The following ADGRD1 variants were observed in gnomAD, a reference collection of about 807,000 sequenced individuals.
The protein encoded by ADGRD1 is adhesion G protein-coupled receptor D1.
In ADGRD1, 77 loss-of-function variants were observed where a neutral mutation model predicts 113.4. The observed-to-expected ratio is 0.68, with a 90% CI of 0.57 to 0.82. ADGRD1 has a LOEUF of 0.82. Ranked by LOEUF, ADGRD1 falls within the 40% of genes least tolerant of loss-of-function variation. The probability of loss-of-function intolerance (pLI) is 0.00; values close to 1 mark genes in which losing one functional copy is unlikely to be tolerated. For synonymous variants in ADGRD1, 474 were observed against 475.0 expected, an observed-to-expected ratio of 1.00 and a Z score of 0.03; for missense variants, 1,036 against 1,139.1, an observed-to-expected ratio of 0.91 and a Z score of 1.30.
rs200576124 is a variant in ADGRD1, at chr12:131,076,820, A to G, written c.1493A>G (p.Glu498Gly). 6.8e-6 allele frequency: 11 copies of G among 1,614,120 alleles called. No individual in the cohort carries two copies. In the East Asian group the frequency reaches 1.8e-4, roughly 26 times the overall value. ...TTTCAGACACGTAAGCAGCACAGTG[A>G]GGCCACCAACAGCAGCAACCGAGTC... The part of the protein sequence containing the change: ...KHRLTRKQHS[E>G]ATNSSNRVFV... The change falls in exon 14 of 25, where the codon GAG (glutamate) becomes GGG (glycine). Residue 498 changes from glutamate to glycine, a missense_variant. Glu to Gly is a moderately conservative substitution (Grantham distance 98). Transcript: ENST00000261654.
At chr12:130,993,615 G>T (rs1566009877) in intron 8 of ADGRD1, among the ~76,000 whole-genome samples, 1 of 152,082 alleles carries the variant, frequency 6.6e-6, no homozygotes, top group Non-Finnish European at 1.5e-5. Flanking sequence ...CTCTGTGTCC[G>T]TGGGAAGGTT....
At chr12:131,103,392 A>G (rs1950140710) in intron 15 of ADGRD1, among the ~76,000 whole-genome samples, 1 of 152,260 alleles carries the variant, frequency 6.6e-6, no homozygotes, top group Non-Finnish European at 1.5e-5. Context: ...AATGGGAGGC[A>G]CAGGCTGTGG....
At chr12:131,132,133 A>C (rs1474199026) in intron 21 of ADGRD1, among the ~76,000 whole-genome samples, 2 of 152,210 alleles carry the variant, frequency 1.3e-5, no homozygotes, top group African/African-American at 4.8e-5. Context: ...CTAGAGCCAG[A>C]AAGCCCCTGC....
intron 13 of ADGRD1, chr12:131,070,970 A>G: frequency 3.9e-6 from 2 of 517,820 alleles, no homozygotes; most frequent in South Asian, 2.8e-5. Context: ...CTGCACCATC[A>G]GGGGAATGTA....
chr12:131,125,566 AGATACAGATATAGGCAGATACATG>A (rs1399590925), intron 20 of ADGRD1, among the ~76,000 whole-genome samples: 1 of 152,238 alleles, frequency 6.6e-6, no homozygotes, highest in Non-Finnish European at 1.5e-5. Flanking sequence ...ATGGAAATGT[AGATACAGATATAGGCAGATACATG>A]GATACAGATA....
intron 13 of ADGRD1, among the ~76,000 whole-genome samples, chr12:131,047,128 C>T (rs940113302): frequency 2.0e-5 from 3 of 152,206 alleles, no homozygotes; most frequent in Non-Finnish European, 4.4e-5. Flanking sequence ...CAGTGGCCTC[C>T]CTGGTCAGTG....
chr12:131,139,056 C>T (rs752252797), intron 24 of ADGRD1, 112 bp from the exon 25 acceptor site: 73 of 761,586 alleles, frequency 9.6e-5, no homozygotes, highest in Middle Eastern at 2.3e-4. Context: ...CCTTTCCTCC[C>T]GCAGGGAGAA....
chr12:131,098,361 T>C (rs1179238483), intron 15 of ADGRD1, among the ~76,000 whole-genome samples: 2 of 151,396 alleles, frequency 1.3e-5, no homozygotes, highest in African/African-American at 4.9e-5. Context: ...TCAGAAGCCA[T>C]GGTGGGGGAA....
At chr12:131,004,917 C>G (rs758324458) in intron 11 of ADGRD1, among the ~76,000 whole-genome samples, 1 of 152,212 alleles carries the variant, frequency 6.6e-6, no homozygotes, top group African/African-American at 2.4e-5. Context: ...CCTGGAAAAG[C>G]GAATATGACT....
In ADGRD1 at chr12:131,084,721, T is replaced by C; in HGVS notation, c.1671+58T>C. ...GGGGGACGTACCATGAGGCTGCAGG[T>C]GGGGGCGGGAGGATGCTTTGCCCGC... On this transcript the variant is annotated intron_variant, in intron 15 of 24. Coordinates refer to ENST00000261654, the MANE Select transcript of ADGRD1 (RefSeq NM_198827.5). The surrounding 1 kb of genome is among the most constrained non-coding windows in gnomAD (Gnocchi z 4.5). The C allele has an allele frequency of 1.9e-6, 3 of 1,572,562 alleles. No homozygotes were observed. Among genetic ancestry groups the C allele is most frequent in the Non-Finnish European group, 2.6e-6 (3 of 1,156,654 alleles).
chr12:131,020,905 G>A (rs1187027740), intron 13 of ADGRD1, among the ~76,000 whole-genome samples: 1 of 152,332 alleles, frequency 6.6e-6, no homozygotes, highest in South Asian at 2.1e-4. Flanking sequence ...TGTGACTTTC[G>A]AAGAGCAGCC....
intron 4 of ADGRD1, among the ~76,000 whole-genome samples, chr12:130,979,612 A>G (rs1467129151): frequency 6.6e-6 from 1 of 152,200 alleles, no homozygotes; most frequent in Non-Finnish European, 1.5e-5. Flanking sequence ...ATTTATAGAA[A>G]TAAAGCCCAG....
intron 8 of ADGRD1, among the ~76,000 whole-genome samples, chr12:130,996,131 A>T (rs1014338971): frequency 3.3e-5 from 5 of 152,016 alleles, no homozygotes; most frequent in Non-Finnish European, 5.9e-5. Context: ...AGGTAGAAGA[A>T]TTTTTCTTAG....
chr12:131,025,418 G>C (rs1291721543), intron 13 of ADGRD1: 1 of 152,218 alleles, frequency 6.6e-6, no homozygotes, highest in Non-Finnish European at 1.5e-5. Flanking sequence ...AGGAGGAGGT[G>C]AACTCAGAAG....
intron 13 of ADGRD1, among the ~76,000 whole-genome samples, chr12:131,073,620 G>C (rs946122442): frequency 6.6e-6 from 1 of 152,206 alleles, no homozygotes; most frequent in African/African-American, 2.4e-5. Flanking sequence ...TGTTATAATA[G>C]AATATCTGAG....
At chr12:131,008,213 T>C (rs1371263903) in intron 12 of ADGRD1, among the ~76,000 whole-genome samples, 1 of 152,258 alleles carries the variant, frequency 6.6e-6, no homozygotes, top group Non-Finnish European at 1.5e-5. Flanking sequence ...GATTGGGCAT[T>C]TGTGCCATTT....
chr12:131,018,963 C>T (rs1404036147), intron 13 of ADGRD1, among the ~76,000 whole-genome samples: 2 of 152,216 alleles, frequency 1.3e-5, no homozygotes, highest in African/African-American at 4.8e-5. Flanking sequence ...TGACAGGCAG[C>T]GTCTCAGCAA....
chr12:130,987,550 CT>C, intron 6 of ADGRD1: 1 of 606,922 alleles, frequency 1.6e-6, no homozygotes, highest in Non-Finnish European at 2.9e-6. Flanking sequence ...ACTAGAGATG[CT>C]TTGAGATGAA....
intron 18 of ADGRD1, among the ~76,000 whole-genome samples, chr12:131,116,096 G>A (rs998419463): frequency 3.9e-5 from 6 of 152,160 alleles, no homozygotes; most frequent in African/African-American, 7.2e-5. Context: ...CCCCACAAAC[G>A]CACTCACCCA....
Sources: allele counts gnomAD v4.1 joint callset (sites outside exome capture counted in the v4.1 genomes callset), GRCh38; gene constraint gnomAD v4.1.1; non-coding constraint Gnocchi (gnomAD v3.1); transcripts MANE v1.5; gene names NCBI Gene and HGNC (gene_info 2026-07-23, HGNC 2026-07-21).